The following ADCY8 variants were observed in gnomAD, a reference collection of about 807,000 sequenced individuals.
ADCY8 encodes the protein adenylate cyclase 8.
Under a neutral mutation model 119.7 loss-of-function variants are expected in ADCY8, and 51 were observed. That is an observed-to-expected ratio of 0.43 (90% CI 0.34 to 0.54). ADCY8 has a LOEUF of 0.54. Ranked by LOEUF, ADCY8 falls within the 20% of genes least tolerant of loss-of-function variation. The pLI, the probability that ADCY8 is intolerant of heterozygous loss-of-function variation, is 0.03. For missense variants in ADCY8, 1,383 were observed against 1,598.8 expected (o/e 0.87, Z 2.30); for synonymous variants, 665 against 651.0 (o/e 1.02, Z -0.33).
At chr8:130,954,239 A>G (rs1821357460) in intron 2 of ADCY8, among the ~76,000 whole-genome samples, 1 of 152,236 alleles carries the variant, frequency 6.6e-6, no homozygotes, top group African/African-American at 2.4e-5. Flanking sequence ...AACTTATGTT[A>G]GGAAGAGAAT....
At chr8:130,961,652 T>G (rs1821610195) in intron 2 of ADCY8, among the ~76,000 whole-genome samples, 1 of 152,160 alleles carries the variant, frequency 6.6e-6, no homozygotes, top group Non-Finnish European at 1.5e-5. Flanking sequence ...TGTTTAGTTG[T>G]CTGGTTCCCC....
At chr8:130,947,574 G>A (rs1465517608) in intron 3 of ADCY8, among the ~76,000 whole-genome samples, 1 of 152,182 alleles carries the variant, frequency 6.6e-6, no homozygotes, top group Non-Finnish European at 1.5e-5. Context: ...TAGTCTACAG[G>A]ACAGATGTAG....
chr8:130,914,979 T>C (rs1429208532), intron 5 of ADCY8, among the ~76,000 whole-genome samples: 1 of 152,198 alleles, frequency 6.6e-6, no homozygotes, highest in Non-Finnish European at 1.5e-5. Context: ...AAGATGGATC[T>C]AAGAGTCCCA....
intron 3 of ADCY8, among the ~76,000 whole-genome samples, chr8:130,946,796 G>T (rs1159449343): frequency 6.6e-6 from 1 of 152,160 alleles, no homozygotes; most frequent in Admixed American, 6.5e-5. Flanking sequence ...GGCATCTCAT[G>T]AAATTGTTAG....
In ADCY8 at chr8:130,849,586, G is replaced by A. The variant is rs764135241; in HGVS notation, c.2412+16C>T. 1 of 1,613,152 alleles carries A rather than the reference G, an allele frequency of 6.2e-7. No individual in the cohort carries two copies. The highest frequency in any genetic ancestry group is 1.1e-5 in the South Asian group (1 of 91,042). The stretch of plus-strand genomic sequence containing the variant: ...CACACTAGACACCAGAGGGTTGGTG[G>A]ATGTGGGATGCTTACGATATTTAAG... On this transcript the variant is annotated intron_variant, in intron 10 of 17. Coordinates refer to ENST00000286355, the MANE Select transcript of ADCY8 (RefSeq NM_001115.3).
intron 1 of ADCY8, among the ~76,000 whole-genome samples, chr8:131,004,130 G>A (rs1823040391): frequency 6.6e-6 from 1 of 152,166 alleles, no homozygotes; most frequent in Non-Finnish European, 1.5e-5. Context: ...CCTTGAGCAG[G>A]TGAGAGGGTG....
chr8:130,911,734 T>G (rs1819987417), intron 5 of ADCY8, among the ~76,000 whole-genome samples: 1 of 150,318 alleles, frequency 6.7e-6, no homozygotes, highest in Non-Finnish European at 1.5e-5. Flanking sequence ...TATTTTATGG[T>G]ATATATTTTT....
At chr8:130,809,196 T>TA (rs1214634884) in intron 14 of ADCY8, among the ~76,000 whole-genome samples, 1 of 152,292 alleles carries the variant, frequency 6.6e-6, no homozygotes, top group African/African-American at 2.4e-5. Flanking sequence ...TGCATGTACT[T>TA]ACAGTGAGGT....
chr8:131,040,139 C>T lies in ADCY8; in HGVS notation c.195G>A (p.Ser65=), dbSNP rs769097411. The change falls in exon 1 of 18, where the codon TCG becomes TCA. Residue 65 remains serine (S), a synonymous_variant. Coordinates refer to ENST00000286355, the MANE Select transcript of ADCY8 (RefSeq NM_001115.3). ...CGCCCGCAGGGTCCGAGGCTTTGCC[C>T]GAGCCTCCACTCCCGCTGCCGCTGC... The part of the protein sequence containing the change: ...RGGSGSGSGG[S]GKASDPAGGG... 13 of 1,531,670 alleles carry T rather than the reference C, an allele frequency of 8.5e-6. No individual in the cohort carries two copies. The highest frequency in any genetic ancestry group is 6.0e-5 in the South Asian group (5 of 83,676). 94.9% of individuals were successfully genotyped at this position (1,531,670 alleles called of 1,614,324 possible).
Position 130,847,606 on chromosome 8 carries a change from C to T in ADCY8, c.2413-93G>A. On this transcript the variant is annotated intron_variant, in intron 10 of 17. Transcript: ENST00000286355. ...TGCTGGAAATGGAGCAGTGTGCTATCAGTGGCTGGGCTTCAGCACGAGCCT... is the reference window on the plus strand; with the variant it reads ...TGCTGGAAATGGAGCAGTGTGCTATTAGTGGCTGGGCTTCAGCACGAGCCT... 3 of 1,076,464 alleles carry T rather than the reference C, an allele frequency of 2.8e-6. No homozygotes were observed. The South Asian group carries it at 4.4e-5, about 16-fold the overall frequency. 66.7% of individuals were successfully genotyped at this position (1,076,464 alleles called of 1,614,324 possible).
At chr8:131,038,796 T>A (rs534016144) in intron 1 of ADCY8, among the ~76,000 whole-genome samples, 2 of 152,258 alleles carry the variant, frequency 1.3e-5, no homozygotes, top group East Asian at 3.9e-4. Context: ...CAATAAAAAA[T>A]TCCCGAGAAA....
chr8:130,947,002 A>G (rs947135016), intron 3 of ADCY8, among the ~76,000 whole-genome samples: 1 of 152,040 alleles, frequency 6.6e-6, no homozygotes, highest in African/African-American at 2.4e-5. Context: ...TTGTTCTGCC[A>G]CCTCCAGGTG....
chr8:130,846,817 C>G (rs1351775565), intron 11 of ADCY8, among the ~76,000 whole-genome samples: 33 of 80,786 alleles, frequency 4.1e-4, no homozygotes, highest in Non-Finnish European at 7.8e-4. Flanking sequence ...CCTCCCCTCC[C>G]TTTCCTTCCT....
chr8:130,923,810 T>C (rs1053546178), intron 5 of ADCY8, among the ~76,000 whole-genome samples: 11 of 152,246 alleles, frequency 7.2e-5, no homozygotes, highest in Non-Finnish European at 1.6e-4. Flanking sequence ...TAAAATTACA[T>C]TCAATCTCTT....
intron 5 of ADCY8, among the ~76,000 whole-genome samples, chr8:130,923,498 T>C (rs1403500564): frequency 6.6e-6 from 1 of 152,252 alleles, no homozygotes; most frequent in African/African-American, 2.4e-5. Context: ...CATTCTGCTG[T>C]CATTCCTATG....
intron 7 of ADCY8, among the ~76,000 whole-genome samples, chr8:130,899,607 A>AT (rs150785121): frequency 0.013 from 1,949 of 151,848 alleles, 48 homozygotes; most frequent in African/African-American, 0.045. Flanking sequence ...TTCCATCTCA[A>AT]TAAAAAAAAA....
At chr8:131,023,604 C>T (rs981366086) in intron 1 of ADCY8, among the ~76,000 whole-genome samples, 3 of 152,134 alleles carry the variant, frequency 2.0e-5, no homozygotes, top group African/African-American at 7.2e-5. Context: ...TTTTGTTCGT[C>T]CTATTTGTTG....
At chr8:130,804,471 A>G (rs1227828687) in intron 14 of ADCY8, among the ~76,000 whole-genome samples, 1 of 152,186 alleles carries the variant, frequency 6.6e-6, no homozygotes, top group East Asian at 1.9e-4. Flanking sequence ...ACATTTTGAG[A>G]TCCTTGGGGT....
At chr8:131,012,157 C>A (rs1047008507) in intron 1 of ADCY8, among the ~76,000 whole-genome samples, 18 of 151,920 alleles carry the variant, frequency 1.2e-4, no homozygotes, top group Non-Finnish European at 2.4e-4. Context: ...GAACTCTAAA[C>A]CATGACTTTC....
Sources: allele counts gnomAD v4.1 joint callset (sites outside exome capture counted in the v4.1 genomes callset), GRCh38; gene constraint gnomAD v4.1.1; transcripts MANE v1.5; gene names NCBI Gene and HGNC (gene_info 2026-07-23, HGNC 2026-07-21).